NRG3: variants seen among roughly 807,000 people sequenced by gnomAD.
NRG3 encodes the protein pro-neuregulin-3, membrane-bound isoform.
NRG3 carries 31 observed loss-of-function variants against 66.9 expected under a neutral mutation model. The observed-to-expected ratio is 0.46, with a 90% CI of 0.35 to 0.63. The LOEUF is 0.63. Ranked by LOEUF, NRG3 falls within the 20% of genes least tolerant of loss-of-function variation. NRG3 has a pLI of 0.00. For synonymous variants in NRG3, 393 were observed against 359.4 expected (o/e 1.09, Z -1.06); for missense variants, 910 against 878.9 (o/e 1.04, Z -0.45).
intron 3 of NRG3, among the ~76,000 whole-genome samples, chr10:82,766,036 G>T (rs2059499362): frequency 6.6e-6 from 1 of 152,042 alleles, no homozygotes; most frequent in Non-Finnish European, 1.5e-5. Context: ...CTATTTCTTT[G>T]AACAAAATCT....
Position 82,045,289 on chromosome 10 carries a change from G to GT in NRG3, c.823+169130dup, listed in dbSNP as rs1248506492. Among the ~76,000 whole-genome samples, 8 of 35,194 alleles carry GT rather than the reference G, an allele frequency of 2.3e-4. 2 individuals carry two copies. The highest frequency in any genetic ancestry group is 7.1e-4 in the Non-Finnish European group (6 of 8,402). 23.1% of individuals were successfully genotyped at this position (35,194 alleles called of 152,430 possible). A position where few individuals can be genotyped will look rare whatever the true frequency, so the allele number is the denominator to read the frequency against. On this transcript the variant is annotated intron_variant, in intron 1 of 8. Coordinates refer to ENST00000372141, the MANE Select transcript of NRG3 (RefSeq NM_001010848.4). ...TGGTGTGAGATGGTATATCACTGTG[G>GT]TTTTGATTTGCATTTCTCTGATGGC...
chr10:81,980,153 T>C (rs908216533), intron 1 of NRG3, among the ~76,000 whole-genome samples: 1 of 152,228 alleles, frequency 6.6e-6, no homozygotes, highest in Non-Finnish European at 1.5e-5. Context: ...TCTTTAATTG[T>C]ATCTTGATAA....
chr10:82,107,906 A>G (rs548522902), intron 1 of NRG3, among the ~76,000 whole-genome samples: 2 of 152,336 alleles, frequency 1.3e-5, no homozygotes, highest in East Asian at 3.9e-4. Context: ...GTTGGTAAGT[A>G]AGAGAAGCTG....
At chr10:82,073,917 G>C (rs1267883901) in intron 1 of NRG3, among the ~76,000 whole-genome samples, 1 of 152,138 alleles carries the variant, frequency 6.6e-6, no homozygotes, top group Non-Finnish European at 1.5e-5. Context: ...ATTTAGTCAT[G>C]AACAAATTAA....
chr10:82,427,588 T>C (rs1176068191), intron 2 of NRG3, among the ~76,000 whole-genome samples: 3 of 152,154 alleles, frequency 2.0e-5, no homozygotes, highest in African/African-American at 7.2e-5. Context: ...GGTTTCTTAC[T>C]ATTTTGTTGA....
intron 3 of NRG3, among the ~76,000 whole-genome samples, chr10:82,835,682 T>A (rs559033082): frequency 2.0e-5 from 3 of 152,282 alleles, no homozygotes; most frequent in African/African-American, 7.2e-5. Context: ...ATGAAGTTGA[T>A]CTTATTGTCA....
intron 2 of NRG3, among the ~76,000 whole-genome samples, chr10:82,697,735 T>C (rs1053944749): frequency 3.9e-5 from 6 of 152,072 alleles, no homozygotes; most frequent in African/African-American, 1.4e-4. Flanking sequence ...TGGGAAGTGG[T>C]AGGAAGCAGA....
chr10:82,768,601 G>A (rs1459292871), intron 3 of NRG3, among the ~76,000 whole-genome samples: 2 of 151,990 alleles, frequency 1.3e-5, no homozygotes, highest in African/African-American at 4.8e-5. Flanking sequence ...CAAGAAAACA[G>A]ATAAAATATT....
rs533004655 is a variant in NRG3, at chr10:82,689,917, A to G, written c.954-48660A>G. Among the ~76,000 whole-genome samples the G allele has an allele frequency of 3.9e-5, 6 of 152,294 alleles. No homozygotes were observed. In the South Asian group the frequency reaches 8.3e-4, roughly 21 times the overall value. On this transcript the variant is annotated intron_variant, in intron 2 of 8. Transcript: ENST00000372141. ...TTGCTTGGGGAAATCTTTCCAAGAT[A>G]CATTGCCAAACTGGGGTAAATGAAG... is the stretch of plus-strand genomic sequence containing the variant.
At chr10:82,582,258 A>G (rs1469475214) in intron 2 of NRG3, among the ~76,000 whole-genome samples, 1 of 152,144 alleles carries the variant, frequency 6.6e-6, no homozygotes, top group Non-Finnish European at 1.5e-5. Context: ...TTCAAATTCC[A>G]TATCATCAGA....
At chr10:82,596,905 C>T (rs2047314640) in intron 2 of NRG3, among the ~76,000 whole-genome samples, 1 of 152,108 alleles carries the variant, frequency 6.6e-6, no homozygotes, top group African/African-American at 2.4e-5. Context: ...TTTCCAATTA[C>T]CTGTCTCATT....
intron 6 of NRG3, among the ~76,000 whole-genome samples, chr10:82,970,982 G>A (rs1451024513): frequency 6.6e-6 from 1 of 152,174 alleles, no homozygotes; most frequent in African/African-American, 2.4e-5. Flanking sequence ...GAAGCATGGT[G>A]CCAACATCTG....
intron 3 of NRG3, among the ~76,000 whole-genome samples, chr10:82,860,127 G>T (rs2135911799): frequency 6.6e-6 from 1 of 152,262 alleles, no homozygotes; most frequent in South Asian, 2.1e-4. Context: ...CTTCAACTAG[G>T]CCAGCCTCGT....
intron 1 of NRG3, among the ~76,000 whole-genome samples, chr10:82,129,503 G>A (rs73320343): frequency 0.098 from 14,916 of 152,066 alleles, 1,112 homozygotes; most frequent in African/African-American, 0.19. Flanking sequence ...TCACATTAGG[G>A]TAAATGAAAT....
At chr10:82,565,904 C>T (rs769468448) in intron 2 of NRG3, among the ~76,000 whole-genome samples, 39 of 152,034 alleles carry the variant, frequency 2.6e-4, no homozygotes, top group Admixed American at 1.3e-3. Context: ...AATGAGAAGT[C>T]GCATGATACA....
intron 2 of NRG3, among the ~76,000 whole-genome samples, chr10:82,476,549 T>C (rs1841801472): frequency 6.6e-6 from 1 of 152,154 alleles, no homozygotes; most frequent in African/African-American, 2.4e-5. Flanking sequence ...TTCGAACACA[T>C]GCTACAGCAT....
intron 4 of NRG3, among the ~76,000 whole-genome samples, chr10:82,869,283 T>C (rs1841055714): frequency 6.6e-6 from 1 of 152,200 alleles, no homozygotes; most frequent in African/African-American, 2.4e-5. Context: ...ACGTATCTTC[T>C]GTCTTCAAAC....
At chr10:82,415,649 G>A (rs2136192791) in intron 2 of NRG3, among the ~76,000 whole-genome samples, 2 of 152,214 alleles carry the variant, frequency 1.3e-5, no homozygotes, top group South Asian at 4.1e-4. Context: ...TTTATTTTAA[G>A]GAAAGTGATA....
intron 1 of NRG3, among the ~76,000 whole-genome samples, chr10:81,989,723 C>T (rs1365415343): frequency 2.0e-5 from 3 of 152,044 alleles, no homozygotes; most frequent in Non-Finnish European, 4.4e-5. Context: ...AAGCATCAGT[C>T]GTGTCAATAC....
Sources: gnomAD v4.1 joint callset for allele counts (sites outside exome capture counted in the v4.1 genomes callset) on GRCh38, gnomAD v4.1.1 for gene constraint, MANE v1.5 for transcripts, NCBI Gene and HGNC (gene_info 2026-07-23, HGNC 2026-07-21) for gene names.